Variants in VAC14 observed in about 807,000 individuals in gnomAD.
The protein encoded by VAC14 is protein VAC14 homolog.
In VAC14, 47 loss-of-function variants were observed where a neutral mutation model predicts 85.3. The observed-to-expected ratio is 0.55, with a 90% CI of 0.44 to 0.70. The LOEUF (loss-of-function observed/expected upper bound fraction) is 0.70. Ranked by LOEUF, VAC14 falls within the 30% of genes least tolerant of loss-of-function variation. The probability of loss-of-function intolerance (pLI) is 0.00; values close to 1 mark genes in which losing one functional copy is unlikely to be tolerated. For synonymous variants in VAC14, 447 were observed against 430.5 expected (o/e 1.04, Z -0.47); for missense variants, 861 against 1,004.3 (o/e 0.86, Z 1.93).
intron 14 of VAC14, among the ~76,000 whole-genome samples, chr16:70,706,804 C>T (rs8059238): frequency 0.51 from 77,625 of 152,006 alleles, 20,373 homozygotes; most frequent in African/African-American, 0.6. Flanking sequence ...CCCTTGTTTC[C>T]TTTCTACATT....
intron 18 of VAC14, chr16:70,689,229 T>C: frequency 1.0e-6 from 1 of 984,542 alleles, no homozygotes; most frequent in Non-Finnish European, 1.2e-6. Context: ...GCTGCCAAGA[T>C]GCCTTGACAC....
intron 17 of VAC14, among the ~76,000 whole-genome samples, chr16:70,694,168 C>T (rs2054942915): frequency 6.6e-6 from 1 of 152,218 alleles, no homozygotes; most frequent in Non-Finnish European, 1.5e-5. Context: ...CCAGCAAAGC[C>T]CTGGGCTTGA....
intron 1 of VAC14, among the ~76,000 whole-genome samples, chr16:70,793,391 C>G (rs1321055060): frequency 2.0e-5 from 3 of 152,308 alleles, no homozygotes; most frequent in African/African-American, 2.4e-5. Flanking sequence ...ACCCATTTTA[C>G]AGTTTGTGGA....
intron 14 of VAC14, among the ~76,000 whole-genome samples, chr16:70,709,938 G>A (rs902488204): frequency 4.6e-5 from 7 of 152,192 alleles, no homozygotes; most frequent in African/African-American, 1.7e-4. Context: ...AACTGCAGCT[G>A]TAACCTTTCT....
intron 18 of VAC14, chr16:70,690,618 C>T (rs533757916): frequency 7.1e-6 from 7 of 985,426 alleles, no homozygotes; most frequent in East Asian, 1.1e-4. Context: ...CAGGGATGGG[C>T]GAGGAGTGTA....
intron 1 of VAC14, among the ~76,000 whole-genome samples, chr16:70,786,730 C>T (rs1352307640): frequency 6.6e-6 from 1 of 152,240 alleles, no homozygotes; most frequent in Non-Finnish European, 1.5e-5. Context: ...AAATTCTCCG[C>T]GTCTGAGCGA....
chr16:70,768,933 T>C (rs888863302), intron 10 of VAC14: 62 of 416,704 alleles, frequency 1.5e-4, no homozygotes, highest in Non-Finnish European at 2.8e-4. Flanking sequence ...CCCAAGTAGC[T>C]AGGAGTACAG....
chr16:70,793,162 G>A (rs1275990577), intron 1 of VAC14, among the ~76,000 whole-genome samples: 1 of 152,176 alleles, frequency 6.6e-6, no homozygotes, highest in African/African-American at 2.4e-5. Flanking sequence ...CACAGTGCTC[G>A]GTCATCGCCA....
chr16:70,723,225 AG>A (rs1388644437), intron 14 of VAC14, among the ~76,000 whole-genome samples: 6 of 147,714 alleles, frequency 4.1e-5, no homozygotes, highest in Non-Finnish European at 7.4e-5. Context: ...CTGTCTCAAA[AG>A]AAAAAAAAAA....
chr16:70,693,639 G>A (rs1012692200), intron 17 of VAC14, among the ~76,000 whole-genome samples: 3 of 152,168 alleles, frequency 2.0e-5, no homozygotes, highest in Non-Finnish European at 4.4e-5. Flanking sequence ...GCTGCAGCAC[G>A]GACCCCGCTG....
At chr16:70,717,759 G>A (rs950370072) in intron 14 of VAC14, among the ~76,000 whole-genome samples, 5 of 152,078 alleles carry the variant, frequency 3.3e-5, no homozygotes, top group African/African-American at 4.8e-5. Context: ...CCTCCCTCTC[G>A]CCTCAGCCTC....
intron 13 of VAC14, among the ~76,000 whole-genome samples, chr16:70,742,076 G>A (rs1361498674): frequency 6.6e-6 from 1 of 152,232 alleles, no homozygotes; most frequent in African/African-American, 2.4e-5. Context: ...CCGGGAGGAA[G>A]AGATAAAACA....
intron 12 of VAC14, among the ~76,000 whole-genome samples, chr16:70,755,839 A>T (rs541447871): frequency 6.6e-6 from 1 of 152,354 alleles, no homozygotes; most frequent in Admixed American, 6.5e-5. Context: ...GAGGGATGGC[A>T]GTAACAGCTC....
chr16:70,739,324 G>A (rs1489095368), intron 13 of VAC14, among the ~76,000 whole-genome samples: 1 of 152,212 alleles, frequency 6.6e-6, no homozygotes, highest in African/African-American at 2.4e-5. Context: ...GGCTTCAAGA[G>A]AAACAGGTGC....
chr16:70,744,507 G>T lies in VAC14; in HGVS notation c.1444C>A (p.Pro482Thr). ...SPAGQTDDPG[P>T]LDGPDLQASH... The stretch of plus-strand genomic sequence containing the variant: ...GCCTGGAGGTCAGGGCCATCGAGGG[G>T]GCCTGGGTCATCCGTCTGGCCTGCG... The change falls in exon 13 of 19, where the codon CCC becomes ACC. Residue 482 changes from proline (P) to threonine (T), a missense_variant. Physicochemically the swap from Pro to Thr is conservative, Grantham distance 38. Around this residue, in one of 3 missense-constraint regions of VAC14, gnomAD observed 629 missense variants for 703.1 expected, o/e 0.89. Transcript: ENST00000261776. 6.2e-7 allele frequency: 1 copy of T among 1,613,586 alleles called. No individual in the cohort carries two copies. The highest frequency in any genetic ancestry group is 1.1e-5 in the South Asian group (1 of 91,042).
At chr16:70,690,353 C>A in intron 18 of VAC14, 4 of 985,654 alleles carry the variant, frequency 4.1e-6, no homozygotes, top group Non-Finnish European at 4.8e-6. Context: ...TCAGGCCCTG[C>A]ACATCTTCTG....
At chr16:70,689,916 G>C in intron 18 of VAC14, 1 of 985,520 alleles carries the variant, frequency 1.0e-6, no homozygotes, top group Non-Finnish European at 1.2e-6. Context: ...CCTAAGTCCA[G>C]GGTGTGGCCA....
intron 13 of VAC14, among the ~76,000 whole-genome samples, chr16:70,735,968 T>G (rs2054738030): frequency 6.6e-6 from 1 of 152,220 alleles, no homozygotes; most frequent in South Asian, 2.1e-4. Context: ...GAGACAGCTG[T>G]TGAGACAGCC....
Position 70,744,511 on chromosome 16 carries a change from T to C in VAC14, c.1440A>G (p.Pro480=). The C allele has an allele frequency of 6.2e-7, 1 of 1,613,536 alleles. No individual in the cohort carries two copies. The highest frequency in any genetic ancestry group is 8.5e-7 in the Non-Finnish European group (1 of 1,179,896). ...ASSPAGQTDD[P]GPLDGPDLQA... is the part of the protein sequence containing the mutation. ...GGAGGTCAGGGCCATCGAGGGGGCC[T>C]GGGTCATCCGTCTGGCCTGCGGGGG... Residue 480 remains proline, a synonymous_variant, in exon 13 of 19, where the codon CCA becomes CCG. Coordinates refer to ENST00000261776, the MANE Select transcript of VAC14 (RefSeq NM_018052.5).
Sources: gnomAD v4.1 joint callset for allele counts (sites outside exome capture counted in the v4.1 genomes callset) on GRCh38, gnomAD v4.1.1 for gene constraint, gnomAD v4.1.1 regional missense constraint, MANE v1.5 for transcripts, NCBI Gene and HGNC (gene_info 2026-07-23, HGNC 2026-07-21) for gene names.